Variants in MYCBP2 observed in about 807,000 individuals in gnomAD.
MYCBP2 encodes MYC binding protein 2, also known as E3 ubiquitin-protein ligase MYCBP2.
Under a neutral mutation model 525.3 loss-of-function variants are expected in MYCBP2, and 120 were observed. The ratio of observed to expected loss-of-function variants is 0.23; its 90% CI spans 0.20 to 0.27. The LOEUF is 0.27. MYCBP2 is among the 10% of genes least tolerant of loss of function. The probability of loss-of-function intolerance (pLI) is 1.00; values close to 1 mark genes in which losing one functional copy is unlikely to be tolerated. For synonymous variants in MYCBP2, 1,894 were observed against 1,955.8 expected, an observed-to-expected ratio of 0.97 and a Z score of 0.83; for missense variants, 4,149 against 5,657.1, an observed-to-expected ratio of 0.73 and a Z score of 8.55.
chr13:77,066,198 T>C (rs907093764), intron 71 of MYCBP2, 110 bp from the exon 72 acceptor site: 1 of 733,866 alleles, frequency 1.4e-6, no homozygotes, highest in Admixed American at 2.6e-5. Context: ...TTTAAGTGAC[T>C]GAATCAATTA....
chr13:77,124,818 G>A (rs2051372047), intron 54 of MYCBP2, among the ~76,000 whole-genome samples: 1 of 151,968 alleles, frequency 6.6e-6, no homozygotes, highest in Non-Finnish European at 1.5e-5. Flanking sequence ...GGGACAAAAA[G>A]GAATATATTT....
intron 5 of MYCBP2, among the ~76,000 whole-genome samples, chr13:77,271,621 C>T (rs763213735): frequency 7.2e-5 from 11 of 152,132 alleles, no homozygotes; most frequent in Non-Finnish European, 1.0e-4. Flanking sequence ...ATAAGCCTCA[C>T]GAGATCTGAT....
intron 46 of MYCBP2, 70 bp from the exon 47 acceptor site, chr13:77,151,019 T>C (rs2056381173): frequency 1.6e-6 from 2 of 1,265,528 alleles, no homozygotes; most frequent in Non-Finnish European, 2.3e-6. Context: ...ATAAGCAACT[T>C]ACTATTATAA....
At chr13:77,087,352 C>T in intron 62 of MYCBP2, 132 bp downstream of exon 62, 1 of 771,050 alleles carries the variant, frequency 1.3e-6, no homozygotes, top group Non-Finnish European at 2.1e-6. Context: ...ATACTTTGCC[C>T]ATAGCACTAA....
intron 52 of MYCBP2, among the ~76,000 whole-genome samples, chr13:77,128,254 G>T (rs1184405331): frequency 6.6e-6 from 1 of 151,750 alleles, no homozygotes; most frequent in Non-Finnish European, 1.5e-5. Context: ...TTTGTAAATG[G>T]TTAATAAATA....
chr13:77,190,895 C>G (rs960257599), intron 28 of MYCBP2, among the ~76,000 whole-genome samples: 1 of 152,172 alleles, frequency 6.6e-6, no homozygotes, highest in African/African-American at 2.4e-5. Context: ...TTGACCTGCA[C>G]TGGAATATAT....
At chr13:77,121,194 A>G (rs2050632676) in intron 55 of MYCBP2, 179 bp downstream of exon 55, 2 of 544,432 alleles carry the variant, frequency 3.7e-6, no homozygotes, top group Admixed American at 4.5e-5. Context: ...ACAAAAAACA[A>G]CAGCAAAAAA....
intron 15 of MYCBP2, among the ~76,000 whole-genome samples, chr13:77,250,724 CATTTA>C (rs2071055652): frequency 6.6e-6 from 1 of 152,216 alleles, no homozygotes; most frequent in African/African-American, 2.4e-5. Flanking sequence ...ATAAATGGTA[CATTTA>C]ATTTAAAACA....
chr13:77,205,289 A>G lies in MYCBP2; in HGVS notation c.3810T>C (p.Phe1270=). 6.2e-7 allele frequency: 1 copy of G among 1,613,436 alleles called. No homozygotes were observed. Among genetic ancestry groups the G allele is most frequent in the Non-Finnish European group, 8.5e-7 (1 of 1,179,580 alleles). ...TDILLGGLGL[F]GGRGEYTAKI... ...TAGCAGTATATTCTCCTCTACCTCCAAACAGACCAAGACCACCAAGTAAAA... is the reference window on the plus strand; with the variant it reads ...TAGCAGTATATTCTCCTCTACCTCCGAACAGACCAAGACCACCAAGTAAAA... The change falls in exon 26 of 83, where the codon TTT becomes TTC. Residue 1270 remains phenylalanine, a synonymous_variant. Coordinates refer to ENST00000544440, the MANE Select transcript of MYCBP2 (RefSeq NM_015057.5).
At chr13:77,235,266 G>A (rs912185986) in intron 17 of MYCBP2, among the ~76,000 whole-genome samples, 4 of 151,974 alleles carry the variant, frequency 2.6e-5, no homozygotes, top group Non-Finnish European at 5.9e-5. Flanking sequence ...ATTATGTCCT[G>A]AAGTAAGAAA....
At chr13:77,270,573 T>C (rs1251381820) in intron 5 of MYCBP2, 35 bp from the exon 6 acceptor site, 1 of 1,551,178 alleles carries the variant, frequency 6.4e-7, no homozygotes, top group African/African-American at 1.4e-5. Context: ...TGAAAAAACA[T>C]TTTTAAATGT....
rs1415518626 is a variant in MYCBP2, at chr13:77,174,471, C to G, written c.5491G>C (p.Val1831Leu). 1 of 1,613,600 alleles carries G rather than the reference C, an allele frequency of 6.2e-7. No individual in the cohort carries two copies. The highest frequency in any genetic ancestry group is 2.2e-5 in the East Asian group (1 of 44,884). ...VPLKENVKYA[V>L]RLRNYGSRTA... ...CGGCTTCCATAGTTCCTCAAGCGCA[C>G]AGCATATTTAACATTTTCCTTCATT... Residue 1831 changes from valine (V) to leucine (L), a missense_variant, in exon 37 of 83, where the codon GTG becomes CTG. Around this residue, in one of 21 missense-constraint regions of MYCBP2, gnomAD observed 109 missense variants for 118.9 expected, o/e 0.92. Transcript: ENST00000544440.
intron 34 of MYCBP2, 100 bp downstream of exon 34, chr13:77,180,027 C>G (rs556041536): frequency 1.2e-5 from 11 of 907,284 alleles, no homozygotes; most frequent in Admixed American, 1.1e-4. Context: ...CTAATCCAAT[C>G]TGAAATTAGC....
At chr13:77,319,481 C>G (rs1409346547) in intron 1 of MYCBP2, among the ~76,000 whole-genome samples, 1 of 152,118 alleles carries the variant, frequency 6.6e-6, no homozygotes, top group African/African-American at 2.4e-5. Context: ...TGGGTTGAAG[C>G]CTTAGATTTT....
At position 77,044,977 on chromosome 13, in the gene MYCBP2, T is replaced by C. The variant is rs1042745701; in HGVS notation, c.*401A>G. The C allele has an allele frequency of 7.5e-6, 3 of 400,852 alleles. No homozygotes were observed. Among genetic ancestry groups the C allele is most frequent in the Non-Finnish European group, 1.3e-5 (3 of 227,230 alleles). The allele number at this position is 400,852 out of a possible 1,614,324, so 24.8% of individuals were successfully genotyped here. A position where few individuals can be genotyped will look rare whatever the true frequency, so the allele number is the denominator to read the frequency against. ...TTTTTATCCCCACCCGTGATGCAAT[T>C]GTACAGGATTACAAAAAGGCAGTAT... On this transcript the variant is annotated 3_prime_UTR_variant, in exon 83 of 83. Transcript: ENST00000544440.
rs115295480 is a variant in MYCBP2 at position 77,155,546 on chromosome 13, G to C, written c.6915+512C>G. ...ACATTATTATTAATATTTCAGGTAA[G>C]AGGTATCCTAAAAACTCTATATTCA... On this transcript the variant is annotated intron_variant, in intron 46 of 82. Coordinates refer to ENST00000544440, the MANE Select transcript of MYCBP2 (RefSeq NM_015057.5). Among the ~76,000 whole-genome samples, 1,152 of 152,214 alleles carry C rather than the reference G, an allele frequency of 7.6e-3. 16 individuals are homozygous for C. Among genetic ancestry groups the C allele is most frequent in the African/African-American group, 0.027 (1,101 of 41,532 alleles).
chr13:77,057,994 C>T (rs1451642160), intron 78 of MYCBP2, among the ~76,000 whole-genome samples: 3 of 152,014 alleles, frequency 2.0e-5, no homozygotes, highest in African/African-American at 4.8e-5. Flanking sequence ...CCCACCACCA[C>T]GCCCAGCTAA....
intron 1 of MYCBP2, among the ~76,000 whole-genome samples, chr13:77,315,674 C>G (rs1291651259): frequency 6.6e-6 from 1 of 152,100 alleles, no homozygotes; most frequent in East Asian, 1.9e-4. Flanking sequence ...GCAGGTGGAT[C>G]ACCTGAGGTC....
chr13:77,264,382 A>G (rs1029513451), intron 8 of MYCBP2, among the ~76,000 whole-genome samples: 3 of 152,098 alleles, frequency 2.0e-5, no homozygotes, highest in African/African-American at 4.8e-5. Flanking sequence ...CATCACAGTC[A>G]TTAGTGTCAC....
Sources: gnomAD v4.1 joint callset for allele counts (sites outside exome capture counted in the v4.1 genomes callset) on GRCh38, gnomAD v4.1.1 for gene constraint, gnomAD v4.1.1 regional missense constraint, MANE v1.5 for transcripts, NCBI Gene and HGNC (gene_info 2026-07-23, HGNC 2026-07-21) for gene names.